Variants in SORCS1 observed in about 807,000 individuals in gnomAD.
The protein encoded by SORCS1 is sortilin related VPS10 domain containing receptor 1.
In SORCS1, 60 loss-of-function variants were observed where a neutral mutation model predicts 146.1. That is an observed-to-expected ratio of 0.41 (90% CI 0.33 to 0.51). The LOEUF (loss-of-function observed/expected upper bound fraction) is 0.51. Among genes scored for constraint, SORCS1 ranks in the 20% least tolerant of loss-of-function variants. The probability of loss-of-function intolerance (pLI) is 0.21; values close to 1 mark genes in which losing one functional copy is unlikely to be tolerated. For missense variants in SORCS1, 1,352 were observed against 1,487.6 expected (o/e 0.91, Z 1.50); for synonymous variants, 637 against 584.0 (o/e 1.09, Z -1.31).
At chr10:106,603,420 T>A (rs1231323185) in intron 23 of SORCS1, among the ~76,000 whole-genome samples, 1 of 152,096 alleles carries the variant, frequency 6.6e-6, no homozygotes, top group Non-Finnish European at 1.5e-5. Context: ...GATAACAGGG[T>A]CAAGTACTTC....
At chr10:106,690,368 T>G (rs557406139) in intron 9 of SORCS1, among the ~76,000 whole-genome samples, 50 of 152,354 alleles carry the variant, frequency 3.3e-4, no homozygotes, top group African/African-American at 1.2e-3. Context: ...TTCAACACTC[T>G]AAAGGGTGAC....
At chr10:106,774,001 T>G (rs1041407712) in intron 4 of SORCS1, among the ~76,000 whole-genome samples, 11 of 152,068 alleles carry the variant, frequency 7.2e-5, no homozygotes, top group African/African-American at 2.7e-4. Flanking sequence ...CCTTACCCCA[T>G]TTGTAGAATA....
At chr10:106,767,236 A>T (rs755330750) in intron 4 of SORCS1, among the ~76,000 whole-genome samples, 1 of 152,082 alleles carries the variant, frequency 6.6e-6, no homozygotes, top group African/African-American at 2.4e-5. Flanking sequence ...AATCTCTCCT[A>T]CAGCTGGATT....
In SORCS1 at chr10:106,970,336, C is replaced by CTTTTTTTTTTTTTTTTTTTTTTTTTTTTT. The variant is rs766818370; in HGVS notation, c.559-13757_559-13756insAAAAAAAAAAAAAAAAAAAAAAAAAAAAA. Among the ~76,000 whole-genome samples, 22 of 89,430 alleles carry CTTTTTTTTTTTTTTTTTTTTTTTTTTTTT rather than the reference C, an allele frequency of 2.5e-4. 1 individual carries two copies. The highest frequency in any genetic ancestry group is 1.1e-3 in the African/African-American group (20 of 18,460). 58.7% of individuals were successfully genotyped at this position (89,430 alleles called of 152,430 possible). A position where few individuals can be genotyped will look rare whatever the true frequency, so the allele number is the denominator to read the frequency against. Reference sequence around the variant, plus strand: ...TTCCCTCCAAATGTAACCAACATCTCTTTTTTTTTTTTTTTTTTTGAGATG... The same window carrying CTTTTTTTTTTTTTTTTTTTTTTTTTTTTT: ...TTCCCTCCAAATGTAACCAACATCTCTTTTTTTTTTTTTTTTTTTTTTTTTTTTTTTTTTTTTTTTTTTTTTTTGAGATG... On this transcript the variant is annotated intron_variant, in intron 1 of 25. Coordinates refer to ENST00000263054, the MANE Select transcript of SORCS1 (RefSeq NM_052918.5).
chr10:106,667,948 C>T lies in SORCS1; in HGVS notation c.2190-146G>A. The T allele has an allele frequency of 4.9e-6, 3 of 612,634 alleles. 1 individual carries two copies. The South Asian group carries it at 6.1e-5, about 12-fold the overall frequency. The allele number at this position is 612,634 out of a possible 1,614,324, so 37.9% of individuals were successfully genotyped here. A position where few individuals can be genotyped will look rare whatever the true frequency, so the allele number is the denominator to read the frequency against. On this transcript the variant is annotated intron_variant, in intron 16 of 25. Coordinates refer to ENST00000263054, the MANE Select transcript of SORCS1 (RefSeq NM_052918.5). ...ACAAAAAAAAAAAACACAAGCATTC[C>T]CTGAATCAATGACTTCTCAAAAATA...
chr10:106,579,640 C>T (rs1170286087), intron 24 of SORCS1, among the ~76,000 whole-genome samples, 166 bp from the exon 25 acceptor site: 2 of 151,998 alleles, frequency 1.3e-5, no homozygotes, highest in African/African-American at 2.4e-5. Context: ...GCATCTGAGC[C>T]CACCCCTACT....
the SORCS1 span, among the ~76,000 whole-genome samples, chr10:107,179,319 T>C: frequency 6.6e-6 from 1 of 152,242 alleles, no homozygotes; most frequent in Non-Finnish European, 1.5e-5. Flanking sequence ...GTGCTAGATA[T>C]GTTAATTAGC....
At position 106,647,007 on chromosome 10, in the gene SORCS1, GTATATATATATATATATA is replaced by G. The variant is rs57891596; in HGVS notation, c.2475+5357_2475+5374del. ...TGTATATATATGTGTGTTTGTATGT[GTATATATATATATATATA>G]TATATATATATATATATGGTAATGT... is the stretch of plus-strand genomic sequence containing the variant. On this transcript the variant is annotated intron_variant, in intron 18 of 25. Transcript: ENST00000263054. Among the ~76,000 whole-genome samples the G allele has an allele frequency of 2.0e-3, 275 of 134,236 alleles. 2 individuals carry two copies. The highest frequency in any genetic ancestry group is 3.7e-3 in the Non-Finnish European group (232 of 62,930). 88.1% of individuals were successfully genotyped at this position (134,236 alleles called of 152,430 possible).
intron 2 of SORCS1, among the ~76,000 whole-genome samples, chr10:106,955,464 G>A (rs1954892033): frequency 6.6e-6 from 1 of 152,216 alleles, no homozygotes; most frequent in Non-Finnish European, 1.5e-5. Context: ...GGCTAAGTGG[G>A]CAGAGCAAGC....
chr10:107,132,115 G>A (rs1423364369), intron 1 of SORCS1, among the ~76,000 whole-genome samples: 7 of 152,022 alleles, frequency 4.6e-5, no homozygotes, highest in Admixed American at 4.6e-4. Context: ...TCGAATACAG[G>A]TCAATTTCTC....
chr10:106,972,917 T>C (rs11193138), intron 1 of SORCS1, among the ~76,000 whole-genome samples: 7,785 of 152,210 alleles, frequency 0.051, 612 homozygotes, highest in African/African-American at 0.17. Context: ...TTGGGTAGTA[T>C]GTATTTAATC....
chr10:107,003,450 G>A (rs1469495242), intron 1 of SORCS1, among the ~76,000 whole-genome samples: 4 of 151,378 alleles, frequency 2.6e-5, no homozygotes, highest in Non-Finnish European at 4.4e-5. Flanking sequence ...GTGTGTGTGT[G>A]TGTGTGTGTG....
At chr10:107,074,936 T>C (rs979505068) in intron 1 of SORCS1, among the ~76,000 whole-genome samples, 1 of 152,204 alleles carries the variant, frequency 6.6e-6, no homozygotes, top group African/African-American at 2.4e-5. Flanking sequence ...CTGACTGTTT[T>C]CATCAATAAC....
intron 1 of SORCS1, among the ~76,000 whole-genome samples, chr10:107,018,432 C>T (rs938135250): frequency 2.0e-5 from 3 of 150,912 alleles, no homozygotes; most frequent in East Asian, 2.0e-4. Context: ...GTGATCCACC[C>T]GCCTTGGCCT....
intron 9 of SORCS1, among the ~76,000 whole-genome samples, chr10:106,698,898 T>G (rs1197913234): frequency 6.6e-6 from 1 of 152,160 alleles, no homozygotes; most frequent in Non-Finnish European, 1.5e-5. Context: ...CTTTCAGAAC[T>G]ATGTCCAAAC....
chr10:107,063,879 C>A (rs1961479639), intron 1 of SORCS1, among the ~76,000 whole-genome samples: 1 of 152,186 alleles, frequency 6.6e-6, no homozygotes, highest in African/African-American at 2.4e-5. Context: ...CAGTAACTCT[C>A]TGGCTGCATT....
chr10:106,847,918 A>G (rs151221465), intron 2 of SORCS1, among the ~76,000 whole-genome samples: 41,073 of 149,154 alleles, frequency 0.28, 6,968 homozygotes, highest in Non-Finnish European at 0.37. Context: ...TTAATCCTGA[A>G]TTCTAGTTTG....
rs766818370 is a variant in SORCS1, at chr10:106,970,336, C to CTTTTTTTTTTTTTTTTTTTTTTT, written c.559-13757_559-13756insAAAAAAAAAAAAAAAAAAAAAAA. Among the ~76,000 whole-genome samples, 43 of 89,424 alleles carry CTTTTTTTTTTTTTTTTTTTTTTT rather than the reference C, an allele frequency of 4.8e-4. 7 individuals carry two copies. Among genetic ancestry groups the CTTTTTTTTTTTTTTTTTTTTTTT allele is most frequent in the African/African-American group, 2.2e-3 (40 of 18,454 alleles). 58.7% of individuals were successfully genotyped at this position (89,424 alleles called of 152,430 possible). ...TTCCCTCCAAATGTAACCAACATCT[C>CTTTTTTTTTTTTTTTTTTTTTTT]TTTTTTTTTTTTTTTTTTTGAGATG... On this transcript the variant is annotated intron_variant, in intron 1 of 25. Coordinates refer to ENST00000263054, the MANE Select transcript of SORCS1 (RefSeq NM_052918.5).
chr10:106,642,853 A>T (rs1248076428), intron 18 of SORCS1, among the ~76,000 whole-genome samples: 2 of 152,222 alleles, frequency 1.3e-5, no homozygotes, highest in Non-Finnish European at 2.9e-5. Flanking sequence ...ATCCCAAGCC[A>T]TTAGTATTCT....
Sources: gnomAD v4.1 joint callset for allele counts (sites outside exome capture counted in the v4.1 genomes callset) on GRCh38, gnomAD v4.1.1 for gene constraint, MANE v1.5 for transcripts, NCBI Gene and HGNC (gene_info 2026-07-23, HGNC 2026-07-21) for gene names.